The following TSPAN9 variants were observed in gnomAD, a reference collection of about 807,000 sequenced individuals.
TSPAN9 encodes tetraspanin 9.
Under a neutral mutation model 31.0 loss-of-function variants are expected in TSPAN9, and 16 were observed. The ratio of observed to expected loss-of-function variants is 0.52; its 90% CI spans 0.35 to 0.78. The LOEUF is 0.78. Ranked by LOEUF, TSPAN9 falls within the 30% of genes least tolerant of loss-of-function variation. The pLI, the probability that TSPAN9 is intolerant of heterozygous loss-of-function variation, is 0.01. For synonymous variants in TSPAN9, 145 were observed against 121.6 expected, an observed-to-expected ratio of 1.19 and a Z score of -1.27; for missense variants, 272 against 312.5, an observed-to-expected ratio of 0.87 and a Z score of 0.98.
intron 3 of TSPAN9, among the ~76,000 whole-genome samples, chr12:3,221,354 TTTTCTC>T (rs1320404537): frequency 1.1e-3 from 139 of 129,708 alleles, no homozygotes; most frequent in African/African-American, 3.5e-3. Context: ...TTTAAAATAT[TTTTCTC>T]TTTTTTTTTT....
chr12:3,201,222 A>G lies in TSPAN9; in HGVS notation c.29A>G (p.Lys10Arg). MARGCLCCLKYMMFLFNLIF... is the reference protein window; with the variant it reads MARGCLCCLRYMMFLFNLIF... ...GCCAGGGGCTGCCTCTGCTGCTTGA[A>G]GTACATGATGTTCCTCTTCAATTTG... The change falls in exon 3 of 9, where the codon AAG becomes AGG. Residue 10 changes from lysine to arginine, a missense_variant. Transcript: ENST00000011898. 1.2e-6 allele frequency: 2 copies of G among 1,614,128 alleles called. No individual in the cohort carries two copies. The highest frequency in any genetic ancestry group is 1.3e-5 in the African/African-American group (1 of 75,056).
chr12:3,268,349 T>C (rs1229143357), intron 3 of TSPAN9, among the ~76,000 whole-genome samples: 1 of 104,942 alleles, frequency 9.5e-6, no homozygotes, highest in African/African-American at 3.9e-5. Flanking sequence ...GCCCTCTCTG[T>C]GTTCCTGCAG....
chr12:3,262,208 A>T (rs533126722), intron 3 of TSPAN9, among the ~76,000 whole-genome samples: 1 of 152,294 alleles, frequency 6.6e-6, no homozygotes, highest in South Asian at 2.1e-4. Context: ...GGGTGCCTGG[A>T]GGCAGCACCC....
At chr12:3,146,971 C>T (rs1055759852) in intron 2 of TSPAN9, among the ~76,000 whole-genome samples, 4 of 152,080 alleles carry the variant, frequency 2.6e-5, no homozygotes, top group Non-Finnish European at 5.9e-5. Flanking sequence ...GTTTCCTCAT[C>T]GGAAAATGGG....
chr12:3,207,134 C>G (rs1199093897), intron 3 of TSPAN9, among the ~76,000 whole-genome samples: 1 of 152,068 alleles, frequency 6.6e-6, no homozygotes, highest in Non-Finnish European at 1.5e-5. Flanking sequence ...AGGGGCACTG[C>G]AGCAGTGCCT....
rs760578314 is a variant in TSPAN9, at chr12:3,281,963, C to T, written c.648+146C>T. 56 of 901,730 alleles carry T rather than the reference C, an allele frequency of 6.2e-5. No individual in the cohort carries two copies. In the South Asian group the frequency reaches 7.6e-4, roughly 12 times the overall value. The allele number at this position is 901,730 out of a possible 1,614,324, so 55.9% of individuals were successfully genotyped here. ...TATTCAAGCTTAGCAGCTGTGCCTG[C>T]CACCGTTTCCGCAGAGCTCTGATAT... is the stretch of plus-strand genomic sequence containing the variant. On this transcript the variant is annotated intron_variant, in intron 8 of 8. Transcript: ENST00000011898.
At chr12:3,231,223 G>A (rs1295057842) in intron 3 of TSPAN9, among the ~76,000 whole-genome samples, 1 of 152,178 alleles carries the variant, frequency 6.6e-6, no homozygotes, top group African/African-American at 2.4e-5. Context: ...AGAGAGGCAG[G>A]GGAGAATGAA....
chr12:3,268,517 T>C (rs1432323347), intron 3 of TSPAN9, among the ~76,000 whole-genome samples: 9 of 57,282 alleles, frequency 1.6e-4, no homozygotes, highest in South Asian at 1.5e-3. Flanking sequence ...GCCCTCTCTG[T>C]GTTCCTGCAG....
intron 2 of TSPAN9, among the ~76,000 whole-genome samples, chr12:3,099,136 C>G (rs1445287559): frequency 3.3e-5 from 5 of 151,828 alleles, no homozygotes; most frequent in Non-Finnish European, 5.9e-5. Flanking sequence ...CTCCACTTCC[C>G]TCTCCTTTCT....
intron 2 of TSPAN9, among the ~76,000 whole-genome samples, chr12:3,180,926 G>A (rs760320464): frequency 1.3e-5 from 2 of 151,494 alleles, no homozygotes; most frequent in African/African-American, 2.4e-5. Flanking sequence ...TGTGCCAGGC[G>A]CTTAGGTGGT....
intron 3 of TSPAN9, among the ~76,000 whole-genome samples, chr12:3,274,014 G>C (rs1490670541): frequency 1.3e-5 from 2 of 152,198 alleles, no homozygotes; most frequent in Non-Finnish European, 2.9e-5. Flanking sequence ...GCAGCCCAAG[G>C]GTGGGTGCCT....
intron 2 of TSPAN9, among the ~76,000 whole-genome samples, chr12:3,097,245 C>G (rs927662844): frequency 1.3e-5 from 2 of 152,270 alleles, no homozygotes; most frequent in Admixed American, 6.5e-5. Context: ...TCAGCTCGAC[C>G]CAGGGTCACC....
chr12:3,215,743 A>G (rs1206095747), intron 3 of TSPAN9, among the ~76,000 whole-genome samples: 5 of 152,114 alleles, frequency 3.3e-5, no homozygotes. Context: ...ATTTCCCTCC[A>G]GCTGCCATTT....
At chr12:3,253,027 C>T (rs1423214495) in intron 3 of TSPAN9, among the ~76,000 whole-genome samples, 1 of 151,836 alleles carries the variant, frequency 6.6e-6, no homozygotes, top group Non-Finnish European at 1.5e-5. Context: ...TGAGCCACTG[C>T]ACCGCCCTGT....
chr12:3,252,449 G>A (rs981156142), intron 3 of TSPAN9, among the ~76,000 whole-genome samples: 7 of 152,186 alleles, frequency 4.6e-5, no homozygotes, highest in African/African-American at 1.4e-4. Context: ...CCGGGGCCAG[G>A]GAGAAATCCC....
chr12:3,227,483 T>A (rs892734089), intron 3 of TSPAN9, among the ~76,000 whole-genome samples: 2 of 152,190 alleles, frequency 1.3e-5, no homozygotes, highest in African/African-American at 2.4e-5. Flanking sequence ...CTGTTTTTAG[T>A]GGGGAGACTC....
chr12:3,217,672 C>A (rs917342291), intron 3 of TSPAN9, among the ~76,000 whole-genome samples: 2 of 152,196 alleles, frequency 1.3e-5, no homozygotes, highest in South Asian at 2.1e-4. Context: ...GGACTCAACT[C>A]CCCTGGCTTC....
At chr12:3,213,599 C>G (rs2098379885) in intron 3 of TSPAN9, among the ~76,000 whole-genome samples, 1 of 152,156 alleles carries the variant, frequency 6.6e-6, no homozygotes, top group African/African-American at 2.4e-5. Context: ...CCATTTATGG[C>G]AGCTAAAGAG....
intron 2 of TSPAN9, among the ~76,000 whole-genome samples, chr12:3,188,753 T>C (rs2098362828): frequency 6.6e-6 from 1 of 152,110 alleles, no homozygotes; most frequent in African/African-American, 2.4e-5. Flanking sequence ...TTTCTGTAGA[T>C]GGCTGGATCT....
Sources: allele counts gnomAD v4.1 joint callset (sites outside exome capture counted in the v4.1 genomes callset), GRCh38; gene constraint gnomAD v4.1.1; transcripts MANE v1.5; gene names NCBI Gene and HGNC (gene_info 2026-07-23, HGNC 2026-07-21).